Variants in ACKR3 observed in about 807,000 individuals in gnomAD.
The protein encoded by ACKR3 is atypical chemokine receptor 3, also known as C-X-C chemokine receptor type 7.
In ACKR3, 6 loss-of-function variants were observed where a neutral mutation model predicts 22.4. The ratio of observed to expected loss-of-function variants is 0.27; its 90% CI spans 0.15 to 0.53. The LOEUF (loss-of-function observed/expected upper bound fraction) is 0.53. Ranked by LOEUF, ACKR3 falls within the 20% of genes least tolerant of loss-of-function variation. ACKR3 has a pLI of 0.96. For synonymous variants in ACKR3, 209 were observed against 205.2 expected (o/e 1.02, Z -0.16); for missense variants, 396 against 475.2 (o/e 0.83, Z 1.55).
chr2:236,540,344 C>T, the ACKR3 span, among the ~76,000 whole-genome samples: 5 of 148,182 alleles, frequency 3.4e-5, no homozygotes, highest in East Asian at 2.0e-4. Context: ...ATTTTGTGTT[C>T]GTCTTTTGTC....
the ACKR3 span, among the ~76,000 whole-genome samples, chr2:236,559,883 T>C: frequency 2.0e-5 from 3 of 152,244 alleles, no homozygotes; most frequent in Non-Finnish European, 4.4e-5. Flanking sequence ...TTTGTTTCCT[T>C]GCTCCGTTTG....
chr2:236,580,722 T>C lies in ACKR3; in HGVS notation c.257T>C (p.Leu86Pro). ...GYDTHCYILN[L>P]AIADLWVVLT... ...GACACGCACTGCTACATCTTGAACC[T>C]GGCCATTGCCGACCTGTGGGTTGTC... The change falls in exon 2 of 2, where the codon CTG (leucine) becomes CCG (proline). Residue 86 changes from leucine to proline, a missense_variant. Coordinates refer to ENST00000272928, the MANE Select transcript of ACKR3 (RefSeq NM_020311.3). 1 of 1,614,178 alleles carries C rather than the reference T, an allele frequency of 6.2e-7. No individual in the cohort carries two copies. The highest frequency in any genetic ancestry group is 8.5e-7 in the Non-Finnish European group (1 of 1,180,024).
chr2:236,563,986 G>A (rs1416848320), upstream of ACKR3, among the ~76,000 whole-genome samples: 1 of 152,216 alleles, frequency 6.6e-6, no homozygotes, highest in African/African-American at 2.4e-5. Flanking sequence ...GGTGAGGCAG[G>A]AGAATAGGGT....
At chr2:236,571,437 A>G (rs932377258) in intron 1 of ACKR3, among the ~76,000 whole-genome samples, 3 of 152,176 alleles carry the variant, frequency 2.0e-5, no homozygotes, top group African/African-American at 7.2e-5. Context: ...TAAGGGGCAG[A>G]CATTGCAGAC....
At chr2:236,549,338 A>G in the ACKR3 span, among the ~76,000 whole-genome samples, 3 of 152,090 alleles carry the variant, frequency 2.0e-5, no homozygotes, top group Non-Finnish European at 4.4e-5. The surrounding 1 kb of genome is among the most constrained non-coding windows in gnomAD (Gnocchi z 5.3). Context: ...GGAAGCCTAC[A>G]TAGTCTCCCC....
the ACKR3 span, among the ~76,000 whole-genome samples, chr2:236,541,193 T>A: frequency 6.6e-6 from 1 of 152,274 alleles, no homozygotes; most frequent in Non-Finnish European, 1.5e-5. Flanking sequence ...TTGTTGAAAG[T>A]TCTTAAAAAT....
chr2:236,544,009 G>C, the ACKR3 span, among the ~76,000 whole-genome samples: 2 of 70,286 alleles, frequency 2.8e-5, no homozygotes, highest in African/African-American at 4.4e-5. This position sits in a 1 kb window ranked among gnomAD's most constrained non-coding sequence, Gnocchi z 5.0. Context: ...TTTTTTTTTT[G>C]AGACAGAGTC....
chr2:236,569,483 C>T (rs1377865849), upstream of ACKR3, among the ~76,000 whole-genome samples: 2 of 152,244 alleles, frequency 1.3e-5, no homozygotes, highest in Non-Finnish European at 2.9e-5. Context: ...TGGGATTATT[C>T]AAGATATACC....
the ACKR3 span, among the ~76,000 whole-genome samples, chr2:236,547,108 C>A: frequency 6.6e-6 from 1 of 152,214 alleles, no homozygotes; most frequent in African/African-American, 2.4e-5. Context: ...TCCATAGACA[C>A]ACATTGTCAT....
At chr2:236,551,132 C>T in the ACKR3 span, among the ~76,000 whole-genome samples, 52 of 152,328 alleles carry the variant, frequency 3.4e-4, no homozygotes, top group African/African-American at 1.2e-3. Context: ...TCACACTTCC[C>T]GAGGGCAGGG....
intron 1 of ACKR3, among the ~76,000 whole-genome samples, chr2:236,572,489 A>G (rs899770108): frequency 2.0e-5 from 3 of 152,238 alleles, no homozygotes; most frequent in East Asian, 3.9e-4. Flanking sequence ...TTTTCCTGCT[A>G]TAACAGATAT....
chr2:236,567,237 G>C (rs1384106896), upstream of ACKR3, among the ~76,000 whole-genome samples: 2 of 152,120 alleles, frequency 1.3e-5, no homozygotes, highest in Non-Finnish European at 2.9e-5. Context: ...CCGACCTCGC[G>C]ATCCGCCCGC....
At chr2:236,555,425 T>C in the ACKR3 span, among the ~76,000 whole-genome samples, 3 of 152,154 alleles carry the variant, frequency 2.0e-5, no homozygotes, top group African/African-American at 7.2e-5. Context: ...TGCCATTTCA[T>C]CCATAACTGA....
chr2:236,578,903 C>T (rs1326888037), intron 1 of ACKR3, among the ~76,000 whole-genome samples: 3 of 152,206 alleles, frequency 2.0e-5, no homozygotes, highest in African/African-American at 4.8e-5. Context: ...GGGAGAATCC[C>T]CAGGGTTCTT....
At chr2:236,580,325 C>G in intron 1 of ACKR3, 115 bp from the exon 2 acceptor site, 3 of 1,113,188 alleles carry the variant, frequency 2.7e-6, no homozygotes, top group Non-Finnish European at 2.6e-6. Context: ...AGAGCTAAAC[C>G]CAAACAGCTG....
In ACKR3 at chr2:236,577,927, G is replaced by T. The variant is rs1323385882; in HGVS notation, c.-26-2513G>T. On this transcript the variant is annotated intron_variant, in intron 1 of 1. Coordinates refer to ENST00000272928, the MANE Select transcript of ACKR3 (RefSeq NM_020311.3). The surrounding 1 kb of genome is among the most constrained non-coding windows in gnomAD (Gnocchi z 5.6). ...CCTGCTGCTGCCCAGCTGTGGGGCG[G>T]TCCTCCATTCAAGCTCCTCTGCTCC... Among the ~76,000 whole-genome samples, 5 of 152,210 alleles carry T rather than the reference G, an allele frequency of 3.3e-5. No homozygotes were observed. Among genetic ancestry groups the T allele is most frequent in the African/African-American group, 1.2e-4 (5 of 41,450 alleles).
chr2:236,560,363 T>C, the ACKR3 span, among the ~76,000 whole-genome samples: 2 of 124,648 alleles, frequency 1.6e-5, no homozygotes, highest in Admixed American at 9.4e-5. Flanking sequence ...AGGTGTGAGG[T>C]GATATTTCAT....
the ACKR3 span, among the ~76,000 whole-genome samples, chr2:236,558,795 G>T: frequency 1.1e-4 from 16 of 152,106 alleles, no homozygotes; most frequent in African/African-American, 3.9e-4. Context: ...GTCTCACGTT[G>T]TTTTAAGCTC....
chr2:236,548,483 C>G, the ACKR3 span, among the ~76,000 whole-genome samples: 15 of 152,304 alleles, frequency 9.8e-5, no homozygotes, highest in African/African-American at 3.6e-4. This position sits in a 1 kb window ranked among gnomAD's most constrained non-coding sequence, Gnocchi z 4.3. Context: ...CCACCAGAAC[C>G]TAGGTTAAGA....
Sources: allele counts gnomAD v4.1 joint callset (sites outside exome capture counted in the v4.1 genomes callset), GRCh38; gene constraint gnomAD v4.1.1; non-coding constraint Gnocchi (gnomAD v3.1); transcripts MANE v1.5; gene names NCBI Gene and HGNC (gene_info 2026-07-23, HGNC 2026-07-21).